Variants in P3H3 observed in about 807,000 individuals in gnomAD.
P3H3 encodes the protein prolyl 3-hydroxylase 3.
P3H3 carries 64 observed loss-of-function variants against 78.1 expected under a neutral mutation model. The observed-to-expected ratio is 0.82, with a 90% confidence interval of 0.67 to 1.01. The LOEUF is 1.01. P3H3 is among the 50% of genes least tolerant of loss of function. The pLI is 0.00. For missense variants in P3H3, 975 were observed against 982.2 expected, an observed-to-expected ratio of 0.99 and a Z score of 0.10; for synonymous variants, 425 against 416.7, an observed-to-expected ratio of 1.02 and a Z score of -0.24.
intron 6 of P3H3, chr12:6,833,378 C>T (rs1040034048): frequency 2.7e-5 from 16 of 583,812 alleles, no homozygotes; most frequent in African/African-American, 2.4e-4. Flanking sequence ...TAGAATAGCC[C>T]CTAGCAGATA....
chr12:6,838,069 G>A, intron 13 of P3H3, 36 bp downstream of exon 13: 4 of 1,572,474 alleles, frequency 2.5e-6, no homozygotes, highest in East Asian at 2.3e-5. Context: ...TGTGACAAAG[G>A]GCCCAGCTGT....
At position 6,839,292 on chromosome 12, in the gene P3H3, C is replaced by T. The variant is rs1555122723; in HGVS notation, c.2047-5C>T. On this transcript the variant is annotated splice_polypyrimidine_tract_variant and splice_region_variant and intron_variant, in intron 14 of 14. Transcript: ENST00000290510. ...AATGGGCCACACTCTCCTCCCCAAC[C>T]CCAGGAGTGGATAGAAGCCAAAGAA... 6 of 1,553,598 alleles carry T rather than the reference C, an allele frequency of 3.9e-6. No homozygotes were observed. The highest frequency in any genetic ancestry group is 5.2e-6 in the Non-Finnish European group (6 of 1,148,148).
At chr12:6,830,120 G>T in intron 2 of P3H3, 109 bp downstream of exon 2, 1 of 1,390,004 alleles carries the variant, frequency 7.2e-7, no homozygotes, top group Non-Finnish European at 9.9e-7. Context: ...ATGGGGTAAT[G>T]ATCCTCAGCG....
At chr12:6,835,604 A>AAT (rs1565513502) in intron 9 of P3H3, among the ~76,000 whole-genome samples, 14 of 151,926 alleles carry the variant, frequency 9.2e-5, no homozygotes, top group African/African-American at 3.4e-4. Context: ...ATTTTTTTAA[A>AAT]TAATTAATTA....
At chr12:6,830,251 A>G in intron 2 of P3H3, 102 bp from the exon 3 acceptor site, 1 of 1,181,680 alleles carries the variant, frequency 8.5e-7, no homozygotes, top group Admixed American at 2.1e-5. Context: ...GAAGAGGGAC[A>G]TGGAGTCCTT....
At position 6,830,556 on chromosome 12, in the gene P3H3, T is replaced by G. The variant is rs1487883521; in HGVS notation, c.853+2T>G. ...GGGGCCTCTATGAGGCCATTGCAGG[T>G]AAGGGTCCCGTGTGTGAGGGGGTGG... On this transcript the variant is annotated splice_donor_variant, in intron 3 of 14. Coordinates refer to ENST00000290510, the MANE Select transcript of P3H3 (RefSeq NM_014262.5). LOFTEE classifies it high-confidence loss of function. 3 of 1,572,812 alleles carry G rather than the reference T, an allele frequency of 1.9e-6. No homozygotes were observed. The African/African-American group carries it at 4.1e-5, about 21-fold the overall frequency.
At chr12:6,836,091 G>T (rs1943493127) in intron 9 of P3H3, among the ~76,000 whole-genome samples, 1 of 152,036 alleles carries the variant, frequency 6.6e-6, no homozygotes. Context: ...CTGGGCCTAT[G>T]CGCCTATATG....
chr12:6,828,426 G>T lies in P3H3; in HGVS notation c.-15G>T, dbSNP rs61475630. On this transcript the variant is annotated 5_prime_UTR_variant, in exon 1 of 15. Transcript: ENST00000290510. The stretch of plus-strand genomic sequence containing the variant: ...GCTCCCGCATTTCCCCTCGGCTGCC[G>T]GCGGCTCCGACATCATGCTCCGGCT... The T allele has an allele frequency of 9.9e-6, 4 of 405,756 alleles. 1 individual carries two copies. The highest frequency in any genetic ancestry group is 7.0e-5 in the South Asian group (3 of 42,622). The allele number at this position is 405,756 out of a possible 1,614,324, so 25.1% of individuals were successfully genotyped here. A position where few individuals can be genotyped will look rare whatever the true frequency, so the allele number is the denominator to read the frequency against.
chr12:6,832,553 C>T (rs1345786421), intron 6 of P3H3, among the ~76,000 whole-genome samples: 3 of 152,122 alleles, frequency 2.0e-5, no homozygotes, highest in South Asian at 2.1e-4. Flanking sequence ...AAGTGTCCTG[C>T]TTGAGAACGA....
chr12:6,837,141 G>T, intron 10 of P3H3, 55 bp downstream of exon 10: 1 of 1,473,932 alleles, frequency 6.8e-7, no homozygotes, highest in Non-Finnish European at 9.3e-7. Context: ...AGGAGAGGCT[G>T]TGCAGGAAGC....
At chr12:6,834,103 C>A in intron 9 of P3H3, 54 bp downstream of exon 9, 1 of 1,606,418 alleles carries the variant, frequency 6.2e-7, no homozygotes, top group Non-Finnish European at 8.5e-7. Context: ...ATACAATCAC[C>A]TGTTCCCTTG....
chr12:6,829,134 G>C lies in P3H3; in HGVS notation c.498+196G>C. ...GAGATCGCAGAGGAGCAGCCGAGGGGGAGTGCGAGCAGAATGGGAATGGGG... is the reference window on the plus strand; with the variant it reads ...GAGATCGCAGAGGAGCAGCCGAGGGCGAGTGCGAGCAGAATGGGAATGGGG... On this transcript the variant is annotated intron_variant, in intron 1 of 14. Transcript: ENST00000290510. This position sits in a 1 kb window ranked among gnomAD's most constrained non-coding sequence, Gnocchi z 5.1. 1 of 399,186 alleles carries C rather than the reference G, an allele frequency of 2.5e-6. No homozygotes were observed. Among genetic ancestry groups the C allele is most frequent in the Non-Finnish European group, 4.4e-6 (1 of 227,894 alleles). 24.7% of individuals were successfully genotyped at this position (399,186 alleles called of 1,614,324 possible).
rs1307194172 is a variant in P3H3 at position 6,831,633 on chromosome 12, C to G, written c.1123-192C>G. 6.6e-6 allele frequency among the ~76,000 whole-genome samples: 1 copy of G among 152,096 alleles called. No homozygotes were observed. The highest frequency in any genetic ancestry group is 1.5e-5 in the Non-Finnish European group (1 of 68,012). On this transcript the variant is annotated intron_variant, in intron 5 of 14. Coordinates refer to ENST00000290510, the MANE Select transcript of P3H3 (RefSeq NM_014262.5). This position sits in a 1 kb window ranked among gnomAD's most constrained non-coding sequence, Gnocchi z 4.6. The stretch of plus-strand genomic sequence containing the variant: ...ATACACACACCCACACACTCACACA[C>G]ACTCCCACCCCCTACACCCTTTCCA...
At chr12:6,837,138 G>A (rs1943506742) in intron 10 of P3H3, 52 bp downstream of exon 10, 1 of 1,484,122 alleles carries the variant, frequency 6.7e-7, no homozygotes, top group African/African-American at 1.4e-5. Context: ...TGGAGGAGAG[G>A]CTGTGCAGGA....
chr12:6,837,242 G>C, intron 10 of P3H3, 156 bp downstream of exon 10: 1 of 1,009,788 alleles, frequency 9.9e-7, no homozygotes, highest in South Asian at 1.6e-5. Flanking sequence ...GATGTTCTGA[G>C]AGCTGGGGCC....
chr12:6,839,333 C>CAGGAGG lies in P3H3; in HGVS notation c.2091_2096dup (p.Glu703_Glu704dup), dbSNP rs1354658874. 4 of 1,552,952 alleles carry CAGGAGG rather than the reference C, an allele frequency of 2.6e-6. No individual in the cohort carries two copies. The African/African-American group carries it at 4.1e-5, about 16-fold the overall frequency. ...AGCCAAAGAACTGCTGCAGGAGTCA[C>CAGGAGG]AGGAGGAGGAGGAAGAGGAAGAGGA... On this transcript the variant is annotated inframe_insertion, in exon 15 of 15. Coordinates refer to ENST00000290510, the MANE Select transcript of P3H3 (RefSeq NM_014262.5).
intron 9 of P3H3, among the ~76,000 whole-genome samples, chr12:6,835,980 C>T (rs782565130): frequency 3.7e-4 from 57 of 152,122 alleles, no homozygotes; most frequent in African/African-American, 1.3e-3. Flanking sequence ...AATCCCAGCA[C>T]TTTGGGAGGC....
chr12:6,838,098 A>G, intron 13 of P3H3, 65 bp downstream of exon 13: 1 of 1,550,730 alleles, frequency 6.4e-7, no homozygotes, highest in Non-Finnish European at 8.7e-7. Flanking sequence ...GATTCAAAAC[A>G]GAAGGCTCCA....
rs782784082 is a variant in P3H3 at position 6,837,839 on chromosome 12, C to G, written c.1819C>G (p.Arg607Gly). 2 of 1,609,866 alleles carry G rather than the reference C, an allele frequency of 1.2e-6. No individual in the cohort carries two copies. Among genetic ancestry groups the G allele is most frequent in the Non-Finnish European group, 1.7e-6 (2 of 1,178,132 alleles). ...CWREPPAYTY[R>G]DYSGLLYLND... Reference sequence around the variant, plus strand: ...GCGGGAGCCCCCAGCCTACACCTATCGGGACTACAGGTGGGCAGCCCCTCT... The same window carrying G: ...GCGGGAGCCCCCAGCCTACACCTATGGGGACTACAGGTGGGCAGCCCCTCT... The change falls in exon 12 of 15, where the codon CGG becomes GGG. Residue 607 changes from arginine (R) to glycine (G), a missense_variant. Coordinates refer to ENST00000290510, the MANE Select transcript of P3H3 (RefSeq NM_014262.5).
Sources: gnomAD v4.1 joint callset for allele counts (sites outside exome capture counted in the v4.1 genomes callset) on GRCh38, gnomAD v4.1.1 for gene constraint, Gnocchi (gnomAD v3.1) non-coding constraint, MANE v1.5 for transcripts, NCBI Gene and HGNC (gene_info 2026-07-23, HGNC 2026-07-21) for gene names.